Variants in ARHGEF7 observed in about 807,000 individuals in gnomAD.
The protein encoded by ARHGEF7 is PAK-interacting exchange factor beta.
A neutral mutation model predicts 109.8 loss-of-function variants in ARHGEF7; 33 were observed. The ratio of observed to expected loss-of-function variants is 0.30; its 90% confidence interval spans 0.23 to 0.40. ARHGEF7 has a LOEUF of 0.40. Ranked by LOEUF, ARHGEF7 falls within the 10% of genes least tolerant of loss-of-function variation. ARHGEF7 has a pLI of 1.00. For synonymous variants in ARHGEF7, 458 were observed against 424.6 expected (o/e 1.08, Z -0.97); for missense variants, 938 against 1,098.5 (o/e 0.85, Z 2.07).
intron 1 of ARHGEF7, among the ~76,000 whole-genome samples, chr13:111,117,475 A>G (rs1566580233): frequency 6.6e-6 from 1 of 152,188 alleles, no homozygotes; most frequent in Non-Finnish European, 1.5e-5. Flanking sequence ...GGTTTGTGTT[A>G]AACTGACTCT....
intron 2 of ARHGEF7, among the ~76,000 whole-genome samples, chr13:111,173,074 G>A (rs534522260): frequency 3.3e-5 from 5 of 152,304 alleles, no homozygotes; most frequent in South Asian, 4.1e-4. Context: ...CTTTATTAAC[G>A]TGTTGCTGTA....
intron 1 of ARHGEF7, among the ~76,000 whole-genome samples, chr13:111,133,262 G>T (rs1051462983): frequency 3.3e-5 from 5 of 151,786 alleles, no homozygotes; most frequent in Non-Finnish European, 7.4e-5. Context: ...TATACATACA[G>T]TATATACACA....
chr13:111,177,685 C>T (rs139496460), intron 2 of ARHGEF7, among the ~76,000 whole-genome samples: 8 of 152,344 alleles, frequency 5.3e-5, no homozygotes, highest in Admixed American at 2.0e-4. Context: ...AGGCCTCTCA[C>T]TAGCCTCAGA....
chr13:111,230,345 T>C (rs1266016876), intron 5 of ARHGEF7, among the ~76,000 whole-genome samples: 1 of 152,194 alleles, frequency 6.6e-6, no homozygotes, highest in Non-Finnish European at 1.5e-5. Flanking sequence ...TATTTTCTAA[T>C]CTATTTCCTG....
chr13:111,217,459 G>C (rs1566854180), intron 4 of ARHGEF7, among the ~76,000 whole-genome samples: 3 of 152,208 alleles, frequency 2.0e-5, no homozygotes, highest in Non-Finnish European at 4.4e-5. Context: ...CACAGTGGCA[G>C]ACCAGGACCT....
At chr13:111,296,333 G>C (rs1399111491) in intron 19 of ARHGEF7, among the ~76,000 whole-genome samples, 1 of 152,184 alleles carries the variant, frequency 6.6e-6, no homozygotes, top group Non-Finnish European at 1.5e-5. Flanking sequence ...CCAGCCTTCT[G>C]TGGCTCACAC....
At chr13:111,282,757 C>T (rs2153610976) in intron 15 of ARHGEF7, 2 of 250,426 alleles carry the variant, frequency 8.0e-6, no homozygotes, top group East Asian at 1.8e-4. Context: ...CACCTTCCTT[C>T]TTACAGCCAC....
chr13:111,233,628 A>G (rs2086401418), intron 6 of ARHGEF7, among the ~76,000 whole-genome samples: 3 of 152,228 alleles, frequency 2.0e-5, no homozygotes, highest in South Asian at 4.1e-4. Context: ...TTTTATATGC[A>G]TTGAGTGCCA....
At chr13:111,124,207 C>T (rs1453417109) in intron 1 of ARHGEF7, among the ~76,000 whole-genome samples, 1 of 152,224 alleles carries the variant, frequency 6.6e-6, no homozygotes, top group East Asian at 1.9e-4. Context: ...TCTGTTTCCT[C>T]TGAGTCCTCT....
At chr13:111,280,144 C>CT (rs1026240130) in intron 13 of ARHGEF7, 128 bp from the exon 14 acceptor site, 20 of 937,820 alleles carry the variant, frequency 2.1e-5, no homozygotes, top group Non-Finnish European at 3.2e-5. Flanking sequence ...TACAAATGAG[C>CT]TTTTTTTGGT....
At chr13:111,200,735 AT>A (rs1430770104) in intron 2 of ARHGEF7, among the ~76,000 whole-genome samples, 4 of 152,192 alleles carry the variant, frequency 2.6e-5, no homozygotes, top group Non-Finnish European at 5.9e-5. Context: ...CGTAGTCTGT[AT>A]TTACATTTCC....
chr13:111,205,663 A>G (rs2081740580), intron 3 of ARHGEF7, among the ~76,000 whole-genome samples: 1 of 152,066 alleles, frequency 6.6e-6, no homozygotes, highest in Non-Finnish European at 1.5e-5. Context: ...GGGAAGGCTC[A>G]TGGGCTGTGT....
At chr13:111,284,540 T>G (rs142388078) in intron 16 of ARHGEF7, among the ~76,000 whole-genome samples, 27 of 152,318 alleles carry the variant, frequency 1.8e-4, no homozygotes, top group African/African-American at 6.3e-4. Flanking sequence ...TGGTGGAGAC[T>G]GAATTACTAG....
intron 5 of ARHGEF7, among the ~76,000 whole-genome samples, chr13:111,221,339 A>ATG (rs2083987652): frequency 7.4e-5 from 1 of 13,462 alleles, no homozygotes; most frequent in African/African-American, 1.9e-4. Context: ...GTCTATATAT[A>ATG]TCTATATATA....
intron 2 of ARHGEF7, among the ~76,000 whole-genome samples, chr13:111,197,697 C>T (rs938017365): frequency 2.0e-5 from 3 of 152,154 alleles, no homozygotes; most frequent in African/African-American, 4.8e-5. Context: ...TTTTGTTAGG[C>T]CTGCTTGTCT....
In ARHGEF7 at chr13:111,145,246, T is replaced by C. The variant is rs1230016758; in HGVS notation, c.166-8659T>C. On this transcript the variant is annotated intron_variant, in intron 1 of 21. Coordinates refer to ENST00000646102, the MANE Select transcript of ARHGEF7 (RefSeq NM_001354046.2). This position sits in a 1 kb window ranked among gnomAD's most constrained non-coding sequence, Gnocchi z 4.3. ...TTGTTTCCAATCGTTTGCCATTACATTGTGTTCTAATTTTAGATGCCGCCA... is the reference window on the plus strand; with the variant it reads ...TTGTTTCCAATCGTTTGCCATTACACTGTGTTCTAATTTTAGATGCCGCCA... Among the ~76,000 whole-genome samples, 2 of 152,132 alleles carry C rather than the reference T, an allele frequency of 1.3e-5. No individual in the cohort carries two copies. The highest frequency in any genetic ancestry group is 4.8e-5 in the African/African-American group (2 of 41,422).
In ARHGEF7 at chr13:111,283,189, C is replaced by T. The variant is rs34641102; in HGVS notation, c.1776C>T (p.Pro592=). 2,820 of 1,597,204 alleles carry T rather than the reference C, an allele frequency of 1.8e-3. 41 individuals carry two copies. In the African/African-American group the frequency reaches 0.034, roughly 19 times the overall value. ...TPSSKHADSK[P]APLTPAYHTL... ...CCAGCAAGCACGCAGACAGCAAGCCCGCGCCGCTGACGCCCGCCTACCACA... is the reference window on the plus strand; with the variant it reads ...CCAGCAAGCACGCAGACAGCAAGCCTGCGCCGCTGACGCCCGCCTACCACA... The change falls in exon 16 of 22, where the codon CCC becomes CCT. Residue 592 remains proline (P), a synonymous_variant. Coordinates refer to ENST00000646102, the MANE Select transcript of ARHGEF7 (RefSeq NM_001354046.2).
chr13:111,302,665 A>G (rs953907820), intron 21 of ARHGEF7, among the ~76,000 whole-genome samples: 1 of 152,162 alleles, frequency 6.6e-6, no homozygotes, highest in African/African-American at 2.4e-5. Context: ...GTGGTTATAA[A>G]TGGACAAAAA....
At position 111,239,132 on chromosome 13, in the gene ARHGEF7, C is replaced by T. The variant is rs1161481755; in HGVS notation, c.760-4740C>T. Among the ~76,000 whole-genome samples, 1 of 152,154 alleles carries T rather than the reference C, an allele frequency of 6.6e-6. No individual in the cohort carries two copies. Among genetic ancestry groups the T allele is most frequent in the East Asian group, 1.9e-4 (1 of 5,172 alleles). On this transcript the variant is annotated intron_variant, in intron 6 of 21. Coordinates refer to ENST00000646102, the MANE Select transcript of ARHGEF7 (RefSeq NM_001354046.2). The surrounding 1 kb of genome is among the most constrained non-coding windows in gnomAD (Gnocchi z 4.3). ...AACGCGCTGCGTGCCCCTGCTCCCC[C>T]ACACCCCCGTGCCATGATTCAGTTA...
Sources: gnomAD v4.1 joint callset for allele counts (sites outside exome capture counted in the v4.1 genomes callset) on GRCh38, gnomAD v4.1.1 for gene constraint, Gnocchi (gnomAD v3.1) non-coding constraint, MANE v1.5 for transcripts, NCBI Gene and HGNC (gene_info 2026-07-23, HGNC 2026-07-21) for gene names.